MRTFA: variants seen among roughly 807,000 people sequenced by gnomAD.
MRTFA encodes the protein myocardin related transcription factor A.
MRTFA carries 20 observed loss-of-function variants against 83.5 expected under a neutral mutation model. The observed-to-expected ratio is 0.24, with a 90% confidence interval of 0.17 to 0.35. The LOEUF is 0.35. Among genes scored for constraint, MRTFA ranks in the 10% least tolerant of loss-of-function variants. The pLI is 1.00. For synonymous variants in MRTFA, 659 were observed against 541.2 expected, an observed-to-expected ratio of 1.22 and a Z score of -3.02; for missense variants, 1,200 against 1,224.7, an observed-to-expected ratio of 0.98 and a Z score of 0.30.
intron 3 of MRTFA, among the ~76,000 whole-genome samples, chr22:40,468,186 A>C (rs2053840026): frequency 6.6e-6 from 1 of 152,206 alleles, no homozygotes; most frequent in South Asian, 2.1e-4. Flanking sequence ...GAGGGGTAAT[A>C]CCCAAGAAAT....
intron 2 of MRTFA, among the ~76,000 whole-genome samples, chr22:40,553,962 T>A (rs551851641): frequency 1.6e-4 from 25 of 152,200 alleles, no homozygotes; most frequent in Non-Finnish European, 2.9e-4. Context: ...ATGTGAGACA[T>A]GGAATCAAAG....
intron 10 of MRTFA, 104 bp from the exon 11 acceptor site, chr22:40,420,680 G>A: frequency 6.5e-7 from 1 of 1,541,716 alleles, no homozygotes; most frequent in Non-Finnish European, 8.8e-7. Flanking sequence ...TGGGCATGGG[G>A]CAAGGGCCCA....
In MRTFA at chr22:40,417,177, G is replaced by A. The variant is rs113881517; in HGVS notation, c.2518-131C>T. 3.9e-3 allele frequency: 5,268 copies of A among 1,353,748 alleles called. 181 individuals are homozygous for A. In the African/African-American group the frequency reaches 0.067, roughly 17 times the overall value. 83.9% of individuals were successfully genotyped at this position (1,353,748 alleles called of 1,614,324 possible). On this transcript the variant is annotated intron_variant, in intron 13 of 14. Transcript: ENST00000355630. ...ATCCACAGGACCCATGGGCGTGCCC[G>A]GACTCCTGGAGCCCGTCCCCTAACA... is the stretch of plus-strand genomic sequence containing the variant.
intron 5 of MRTFA, among the ~76,000 whole-genome samples, chr22:40,434,153 C>T (rs985638412): frequency 6.6e-6 from 1 of 152,146 alleles, no homozygotes; most frequent in African/African-American, 2.4e-5. Flanking sequence ...TCTGCTGGTC[C>T]CTGCCTATTT....
In MRTFA at chr22:40,499,989, T is replaced by TCGGCTCAC. The variant is rs113617367; in HGVS notation, c.242-36711_242-36704dup. Among the ~76,000 whole-genome samples, 30 of 143,022 alleles carry TCGGCTCAC rather than the reference T, an allele frequency of 2.1e-4. No homozygotes were observed. In the East Asian group the frequency reaches 4.4e-3, roughly 21 times the overall value. The allele number at this position is 143,022 out of a possible 152,430, so 93.8% of individuals were successfully genotyped here. A position where few individuals can be genotyped will look rare whatever the true frequency, so the allele number is the denominator to read the frequency against. On this transcript the variant is annotated intron_variant, in intron 3 of 14. Coordinates refer to ENST00000355630, the MANE Select transcript of MRTFA (RefSeq NM_020831.6). Reference sequence around the variant, plus strand: ...AAGGCTGGAATGAAATGGTACGATCTCGGCTCACCGGCTCACCGCAACGTC... The same window carrying TCGGCTCAC: ...AAGGCTGGAATGAAATGGTACGATCTCGGCTCACCGGCTCACCGGCTCACCGCAACGTC...
At chr22:40,574,037 A>G (rs2055834405) in intron 2 of MRTFA, among the ~76,000 whole-genome samples, 2 of 152,158 alleles carry the variant, frequency 1.3e-5, no homozygotes, top group African/African-American at 4.8e-5. Flanking sequence ...GGGATAAGCC[A>G]CTATGACAGG....
At chr22:40,471,724 G>A (rs577886964) in intron 3 of MRTFA, among the ~76,000 whole-genome samples, 3 of 151,682 alleles carry the variant, frequency 2.0e-5, no homozygotes, top group Non-Finnish European at 2.9e-5. Flanking sequence ...CTACAAAAAT[G>A]AGCCAGGCAT....
intron 2 of MRTFA, among the ~76,000 whole-genome samples, chr22:40,556,108 G>C (rs994477141): frequency 6.7e-6 from 1 of 149,986 alleles, no homozygotes; most frequent in African/African-American, 2.4e-5. Flanking sequence ...TGTTTGATTG[G>C]ACAATGAAAA....
intron 1 of MRTFA, among the ~76,000 whole-genome samples, 152 bp from the exon 2 acceptor site, chr22:40,594,887 TA>T (rs776075354): frequency 0.017 from 1,810 of 104,984 alleles, 17 homozygotes; most frequent in African/African-American, 0.033. Context: ...TGTCACTGGT[TA>T]AAAAAAAAAA....
intron 3 of MRTFA, among the ~76,000 whole-genome samples, chr22:40,507,358 G>C (rs139067): frequency 0.49 from 74,087 of 150,860 alleles, 18,812 homozygotes; most frequent in East Asian, 0.88. Context: ...GAGACCCTAT[G>C]TCAAAAAGAA....
At chr22:40,588,098 G>A (rs547384300) in intron 2 of MRTFA, 40 of 156,942 alleles carry the variant, frequency 2.5e-4, no homozygotes, top group Middle Eastern at 3.2e-3. Flanking sequence ...GCGCAGTCTC[G>A]GCTCACTGCA....
chr22:40,447,248 G>A (rs2053396982), intron 4 of MRTFA, among the ~76,000 whole-genome samples: 1 of 151,906 alleles, frequency 6.6e-6, no homozygotes, highest in Non-Finnish European at 1.5e-5. Flanking sequence ...TCTATTTGGG[G>A]GAGCCGAGGC....
At chr22:40,504,764 C>G (rs2054553815) in intron 3 of MRTFA, among the ~76,000 whole-genome samples, 1 of 152,208 alleles carries the variant, frequency 6.6e-6, no homozygotes, top group South Asian at 2.1e-4. Context: ...CCATGCCACT[C>G]TTTTTTAAAT....
At chr22:40,496,396 C>A (rs1325467466) in intron 3 of MRTFA, among the ~76,000 whole-genome samples, 2 of 145,660 alleles carry the variant, frequency 1.4e-5, no homozygotes, top group Non-Finnish European at 3.0e-5. Flanking sequence ...AGTCACCAAT[C>A]TGGGTGGTTG....
intron 1 of MRTFA, among the ~76,000 whole-genome samples, chr22:40,613,592 G>A (rs1262525861): frequency 1.3e-5 from 2 of 151,822 alleles, no homozygotes; most frequent in Admixed American, 6.6e-5. Flanking sequence ...ATGGTGGCTC[G>A]TGCCTGTAAT....
chr22:40,472,564 G>A (rs1407261662), intron 3 of MRTFA, among the ~76,000 whole-genome samples: 2 of 152,120 alleles, frequency 1.3e-5, no homozygotes, highest in East Asian at 3.8e-4. Flanking sequence ...ACTTAAGAAT[G>A]AATAACAAAT....
intron 3 of MRTFA, among the ~76,000 whole-genome samples, chr22:40,529,146 C>G (rs899529912): frequency 5.3e-5 from 8 of 152,070 alleles, no homozygotes; most frequent in African/African-American, 1.9e-4. Flanking sequence ...TATGATACTT[C>G]CTTTTAACCT....
intron 3 of MRTFA, among the ~76,000 whole-genome samples, chr22:40,495,455 A>G (rs546772216): frequency 6.8e-6 from 1 of 147,406 alleles, no homozygotes; most frequent in South Asian, 2.2e-4. Flanking sequence ...CCGTCTCAAA[A>G]AAAAAAAAAG....
intron 9 of MRTFA, among the ~76,000 whole-genome samples, chr22:40,422,956 C>T (rs1032688457): frequency 6.6e-6 from 1 of 152,146 alleles, no homozygotes; most frequent in Non-Finnish European, 1.5e-5. Flanking sequence ...CTGGGGTCCC[C>T]GAGATCCTGG....
Sources: gnomAD v4.1 joint callset for allele counts (sites outside exome capture counted in the v4.1 genomes callset) on GRCh38, gnomAD v4.1.1 for gene constraint, MANE v1.5 for transcripts, NCBI Gene and HGNC (gene_info 2026-07-23, HGNC 2026-07-21) for gene names.